Variants in AARS2 observed in about 807,000 individuals in gnomAD.
AARS2 encodes the protein alanine--tRNA ligase, mitochondrial.
In AARS2, 78 loss-of-function variants were observed where a neutral mutation model predicts 119.7. The observed-to-expected ratio is 0.65, with a 90% CI of 0.54 to 0.79. The LOEUF is 0.79. Ranked by LOEUF, AARS2 falls within the 30% of genes least tolerant of loss-of-function variation. AARS2 has a pLI of 0.00. For synonymous variants in AARS2, 502 were observed against 526.3 expected, an observed-to-expected ratio of 0.95 and a Z score of 0.63; for missense variants, 1,157 against 1,291.3, an observed-to-expected ratio of 0.90 and a Z score of 1.59.
chr6:44,304,638 G>A lies in AARS2; in HGVS notation c.1752+7C>T. On this transcript the variant is annotated splice_region_variant and intron_variant, in intron 12 of 21. Coordinates refer to ENST00000244571, the MANE Select transcript of AARS2 (RefSeq NM_020745.4). ...AGAAATCAGCCTGGGTTGTGATGGAGACTCACCTCTTGCCCTGCCCGCACC... is the reference window on the plus strand; with the variant it reads ...AGAAATCAGCCTGGGTTGTGATGGAAACTCACCTCTTGCCCTGCCCGCACC... The A allele has an allele frequency of 3.1e-6, 5 of 1,614,204 alleles. No individual in the cohort carries two copies. The highest frequency in any genetic ancestry group is 4.2e-6 in the Non-Finnish European group (5 of 1,180,038).
In AARS2 at chr6:44,305,923, A is replaced by G. The variant is rs1027689711; in HGVS notation, c.1301-137T>C. 16 of 1,095,044 alleles carry G rather than the reference A, an allele frequency of 1.5e-5. No individual in the cohort carries two copies. Among genetic ancestry groups the G allele is most frequent in the Admixed American group, 2.1e-5 (1 of 48,188 alleles). The allele number at this position is 1,095,044 out of a possible 1,614,324, so 67.8% of individuals were successfully genotyped here. A position where few individuals can be genotyped will look rare whatever the true frequency, so the allele number is the denominator to read the frequency against. ...CACAAATACCCGCTCCATACTGGGT[A>G]GCCTCAGGAGAGGGGTCACATTCAG... On this transcript the variant is annotated intron_variant, in intron 9 of 21. Coordinates refer to ENST00000244571, the MANE Select transcript of AARS2 (RefSeq NM_020745.4). The surrounding 1 kb of genome is among the most constrained non-coding windows in gnomAD (Gnocchi z 4.6).
rs1262331675 is a variant in AARS2, at chr6:44,305,417, C to T, written c.1435-219G>A. On this transcript the variant is annotated intron_variant, in intron 10 of 21. Coordinates refer to ENST00000244571, the MANE Select transcript of AARS2 (RefSeq NM_020745.4). This position sits in a 1 kb window ranked among gnomAD's most constrained non-coding sequence, Gnocchi z 4.6. ...ATTAGGCCTTCCTGCCCACTGCTGCCCCTGGAGGGCCCCTCTCCAGGAAGC... is the reference window on the plus strand; with the variant it reads ...ATTAGGCCTTCCTGCCCACTGCTGCTCCTGGAGGGCCCCTCTCCAGGAAGC... 6.6e-6 allele frequency among the ~76,000 whole-genome samples: 1 copy of T among 152,196 alleles called. No individual in the cohort carries two copies. Among genetic ancestry groups the T allele is most frequent in the Non-Finnish European group, 1.5e-5 (1 of 68,024 alleles).
rs761385119 is a variant in AARS2, at chr6:44,311,078, G to T, written c.665C>A (p.Thr222Asn). 6 of 1,614,080 alleles carry T rather than the reference G, an allele frequency of 3.7e-6. No homozygotes were observed. ...ACCAGCAAGGTCGTAGTGGATCTCA[G>T]TACAGGGCCCACAAGGGCCAGTATC... ...MGDTGPCGPC[T>N]EIHYDLAGGV... Residue 222 changes from threonine to asparagine, a missense_variant, in exon 4 of 22, where the codon ACT becomes AAT. Physicochemically the swap from Thr to Asn is moderately conservative, Grantham distance 65 (BLOSUM62 0). Coordinates refer to ENST00000244571, the MANE Select transcript of AARS2 (RefSeq NM_020745.4).
Position 44,300,487 on chromosome 6 carries a change from G to C in AARS2, c.*60C>G. On this transcript the variant is annotated 3_prime_UTR_variant, in exon 22 of 22. Transcript: ENST00000244571. ...CTTCAGCATGTGGGAAGGTTCTGCT[G>C]GCTCCTTCAGGGCTCCTGGCATTGC... 1 of 1,608,762 alleles carries C rather than the reference G, an allele frequency of 6.2e-7. No individual in the cohort carries two copies. The highest frequency in any genetic ancestry group is 1.7e-5 in the Admixed American group (1 of 60,022).
Position 44,311,569 on chromosome 6 carries a change from A to C in AARS2, c.436-34T>G, listed in dbSNP as rs776592133. The C allele has an allele frequency of 5.2e-5, 83 of 1,611,034 alleles. No individual in the cohort carries two copies. The South Asian group carries it at 8.7e-4, about 17-fold the overall frequency. Reference sequence around the variant, plus strand: ...GAAACCAGCATGGGGTGGGGGGGGAAGACGGGTGAGAGGGAGACCCCACTG... The same window carrying C: ...GAAACCAGCATGGGGTGGGGGGGGACGACGGGTGAGAGGGAGACCCCACTG... On this transcript the variant is annotated intron_variant, in intron 2 of 21. Coordinates refer to ENST00000244571, the MANE Select transcript of AARS2 (RefSeq NM_020745.4).
In AARS2 at chr6:44,305,212, A is replaced by G. The variant is rs376986027; in HGVS notation, c.1435-14T>C. On this transcript the variant is annotated splice_polypyrimidine_tract_variant and intron_variant, in intron 10 of 21. Transcript: ENST00000244571. The surrounding 1 kb of genome is among the most constrained non-coding windows in gnomAD (Gnocchi z 4.6). ...CCGTGCCCGGTGCTGCAGGGTGGGC[A>G]TGGGCATGGAAGAAGTGCATGGAGA... The G allele has an allele frequency of 1.7e-5, 28 of 1,609,862 alleles. No homozygotes were observed. Among genetic ancestry groups the G allele is most frequent in the Non-Finnish European group, 2.1e-5 (25 of 1,180,008 alleles).
At position 44,307,235 on chromosome 6, in the gene AARS2, C is replaced by T. The variant is rs935088913; in HGVS notation, c.1040+14G>A. The T allele has an allele frequency of 2.5e-6, 4 of 1,613,856 alleles. No individual in the cohort carries two copies. In the African/African-American group the frequency reaches 4.0e-5, roughly 16 times the overall value. ...CAGCAGCCCCTGTCCTCTCTGTAGCCCTTCCAGACTCACGGGGGACCTGAC... is the reference window on the plus strand; with the variant it reads ...CAGCAGCCCCTGTCCTCTCTGTAGCTCTTCCAGACTCACGGGGGACCTGAC... On this transcript the variant is annotated intron_variant, in intron 6 of 21. Transcript: ENST00000244571. This position sits in a 1 kb window ranked among gnomAD's most constrained non-coding sequence, Gnocchi z 4.4.
At chr6:44,311,567 G>T in intron 2 of AARS2, 32 bp from the exon 3 acceptor site, 7 of 1,604,842 alleles carry the variant, frequency 4.4e-6, no homozygotes, top group South Asian at 1.1e-5. Flanking sequence ...GGTGGGGGGG[G>T]AAGACGGGTG....
chr6:44,304,313 A>G lies in AARS2; in HGVS notation c.1875T>C (p.Arg625=), dbSNP rs1257380448. Residue 625 remains arginine, a synonymous_variant, in exon 14 of 22, where the codon CGT becomes CGC. Coordinates refer to ENST00000244571, the MANE Select transcript of AARS2 (RefSeq NM_020745.4). The part of the protein sequence containing the change: ...QVQLHVDEAW[R]LGCMAKHTAT... ...CCGTATGCTTCGCCATGCAGCCTAG[A>G]CGCCAGGCCTGAAATACTTTTGTCA... is the stretch of plus-strand genomic sequence containing the variant. The G allele has an allele frequency of 6.2e-7, 1 of 1,614,050 alleles. No homozygotes were observed. Among genetic ancestry groups the G allele is most frequent in the Non-Finnish European group, 8.5e-7 (1 of 1,180,026 alleles).
chr6:44,307,054 C>T lies in AARS2; in HGVS notation c.1041-23G>A, dbSNP rs111839169. The T allele has an allele frequency of 1.8e-4, 287 of 1,612,140 alleles. No individual in the cohort carries two copies. Among genetic ancestry groups the T allele is most frequent in the Non-Finnish European group, 2.3e-4 (269 of 1,178,398 alleles). On this transcript the variant is annotated intron_variant, in intron 6 of 21. Coordinates refer to ENST00000244571, the MANE Select transcript of AARS2 (RefSeq NM_020745.4). This position sits in a 1 kb window ranked among gnomAD's most constrained non-coding sequence, Gnocchi z 4.4. Reference sequence around the variant, plus strand: ...AGCCTAAAGGGGTTCAGAGCCCAGACATGAATCCCCAGCGGCTCATGGTCA... The same window carrying T: ...AGCCTAAAGGGGTTCAGAGCCCAGATATGAATCCCCAGCGGCTCATGGTCA...
At position 44,312,015 on chromosome 6, in the gene AARS2, T is replaced by C. The variant is rs576976571; in HGVS notation, c.435+57A>G. 6.9e-6 allele frequency: 11 copies of C among 1,593,726 alleles called. No individual in the cohort carries two copies. The African/African-American group carries it at 9.4e-5, about 14-fold the overall frequency. ...GGCCCTGCCTAAGCAGACAGTACAA[T>C]GGAAACAGGACAAATTGACTCCCTT... On this transcript the variant is annotated intron_variant, in intron 2 of 21. Coordinates refer to ENST00000244571, the MANE Select transcript of AARS2 (RefSeq NM_020745.4).
At chr6:44,312,868 C>T (rs1258234813) in intron 1 of AARS2, among the ~76,000 whole-genome samples, 1 of 152,172 alleles carries the variant, frequency 6.6e-6, no homozygotes, top group African/African-American at 2.4e-5. Context: ...ACCTAATACT[C>T]AATCCCAATC....
intron 2 of AARS2, among the ~76,000 whole-genome samples, 187 bp from the exon 3 acceptor site, chr6:44,311,722 C>CT (rs1786375764): frequency 6.6e-6 from 1 of 152,222 alleles, no homozygotes; most frequent in African/African-American, 2.4e-5. Context: ...AAGCTTCCCC[C>CT]TTCTTCTAAG....
Position 44,307,389 on chromosome 6 carries a change from G to T in AARS2, c.900C>A (p.Cys300Ter). ...SPLLNAIQQG[C>*]RAPPYLGRVG... ...CTCGGCCCAAGTAAGGGGGTGCCCT[G>T]CAGCCCTGGGAAGCAGAAGAGTCAG... is the stretch of plus-strand genomic sequence containing the variant. The change falls in exon 6 of 22, where the codon TGC becomes TGA. Residue 300 changes from cysteine (C) to a stop codon, truncating the protein, a stop_gained. Coordinates refer to ENST00000244571, the MANE Select transcript of AARS2 (RefSeq NM_020745.4). LOFTEE classifies it high-confidence loss of function. The surrounding 1 kb of genome is among the most constrained non-coding windows in gnomAD (Gnocchi z 4.4). 6.2e-7 allele frequency: 1 copy of T among 1,602,758 alleles called. No homozygotes were observed.
In AARS2 at chr6:44,313,211, T is replaced by G. The variant is rs1786528424; in HGVS notation, c.113A>C (p.Lys38Thr). ...RPLSSEPPAAKASAVRAAFLN... is the reference protein window; with the variant it reads ...RPLSSEPPAATASAVRAAFLN... ...AAAGGCGGCCCTCACGGCCGAGGCC[T>G]TGGCTGCAGGGGGCTCCGATGAGAG... The change falls in exon 1 of 22, where the codon AAG becomes ACG. Residue 38 changes from lysine (K) to threonine (T), a missense_variant. Lys to Thr is a moderately conservative substitution (Grantham distance 78, BLOSUM62 -1). Transcript: ENST00000244571. 1 of 1,607,348 alleles carries G rather than the reference T, an allele frequency of 6.2e-7. No individual in the cohort carries two copies. The highest frequency in any genetic ancestry group is 8.5e-7 in the Non-Finnish European group (1 of 1,178,258).
chr6:44,304,805 C>G lies in AARS2; in HGVS notation c.1592G>C (p.Cys531Ser). The G allele has an allele frequency of 6.2e-7, 1 of 1,614,164 alleles. No individual in the cohort carries two copies. Among genetic ancestry groups the G allele is most frequent in the Non-Finnish European group, 8.5e-7 (1 of 1,180,010 alleles). The change falls in exon 12 of 22, where the codon TGT becomes TCT. Residue 531 changes from cysteine (C) to serine (S), a missense_variant. Physicochemically the swap from Cys to Ser is moderately radical, Grantham distance 112 (BLOSUM62 -1). Coordinates refer to ENST00000244571, the MANE Select transcript of AARS2 (RefSeq NM_020745.4). ...ATACAGTTGCAACACCTGGGCCTCA[C>G]AGGTGCCGAACTCTGCCAGGGCACA... ...RPSGSYEFGT[C>S]EAQVLQLYTE... is the part of the protein sequence containing the mutation.
intron 5 of AARS2, among the ~76,000 whole-genome samples, chr6:44,309,550 C>T (rs941313645): frequency 6.6e-5 from 10 of 152,182 alleles, no homozygotes; most frequent in African/African-American, 4.8e-5. Context: ...CCCTTTCTTG[C>T]GGGGCAAGGA....
chr6:44,313,148 A>G lies in AARS2; in HGVS notation c.176T>C (p.Val59Ala). ...FFRDRHGHRL[V>A]PSASVRPRGD... Reference sequence around the variant, plus strand: ...GCGGGGCCGCACGGAAGCGGAGGGCACCAGCCGGTGGCCATGGCGGTCCCG... The same window carrying G: ...GCGGGGCCGCACGGAAGCGGAGGGCGCCAGCCGGTGGCCATGGCGGTCCCG... Residue 59 changes from valine to alanine, a missense_variant, in exon 1 of 22, where the codon GTG (valine) becomes GCG (alanine). By Grantham distance (64) the Val-to-Ala change is moderately conservative (BLOSUM62 0). Transcript: ENST00000244571. 2 of 1,596,584 alleles carry G rather than the reference A, an allele frequency of 1.3e-6. No homozygotes were observed. The highest frequency in any genetic ancestry group is 1.7e-6 in the Non-Finnish European group (2 of 1,174,244).
chr6:44,311,562 G>C lies in AARS2; in HGVS notation c.436-27C>G, dbSNP rs771712715. Reference sequence around the variant, plus strand: ...TGCAGCAGAAACCAGCATGGGGTGGGGGGGGAAGACGGGTGAGAGGGAGAC... The same window carrying C: ...TGCAGCAGAAACCAGCATGGGGTGGCGGGGGAAGACGGGTGAGAGGGAGAC... On this transcript the variant is annotated intron_variant, in intron 2 of 21. Transcript: ENST00000244571. 44 of 1,609,082 alleles carry C rather than the reference G, an allele frequency of 2.7e-5. No individual in the cohort carries two copies. The East Asian group carries it at 4.9e-4, about 18-fold the overall frequency.
Sources: allele counts gnomAD v4.1 joint callset (sites outside exome capture counted in the v4.1 genomes callset), GRCh38; gene constraint gnomAD v4.1.1; non-coding constraint Gnocchi (gnomAD v3.1); transcripts MANE v1.5; gene names NCBI Gene and HGNC (gene_info 2026-07-23, HGNC 2026-07-21).